The following DYNC2I1 variants were observed in gnomAD, a reference collection of about 807,000 sequenced individuals.
The protein encoded by DYNC2I1 is dynein 2 intermediate chain 1.
A neutral mutation model predicts 133.4 loss-of-function variants in DYNC2I1; 89 were observed. That is an observed-to-expected ratio of 0.67 (90% CI 0.56 to 0.80). The LOEUF is 0.80. Among genes scored for constraint, DYNC2I1 ranks in the 30% least tolerant of loss-of-function variants. DYNC2I1 has a pLI of 0.00. For missense variants in DYNC2I1, 1,291 were observed against 1,314.5 expected, an observed-to-expected ratio of 0.98 and a Z score of 0.28; for synonymous variants, 504 against 484.3, an observed-to-expected ratio of 1.04 and a Z score of -0.54.
At chr7:158,952,586 A>T (rs887553878) in intron 4 of DYNC2I1, among the ~76,000 whole-genome samples, 1 of 152,192 alleles carries the variant, frequency 6.6e-6, no homozygotes, top group African/African-American at 2.4e-5. Context: ...TCCTAAGGGA[A>T]TAAGAAGGAG....
At chr7:158,872,214 G>A (rs1012867536) in intron 3 of DYNC2I1, among the ~76,000 whole-genome samples, 1 of 152,202 alleles carries the variant, frequency 6.6e-6, no homozygotes, top group African/African-American at 2.4e-5. Flanking sequence ...TATTTGGTAG[G>A]CCGAGGTGGG....
chr7:158,871,007 T>C, intron 2 of DYNC2I1, 135 bp from the exon 3 acceptor site: 1 of 1,017,624 alleles, frequency 9.8e-7, no homozygotes, highest in African/African-American at 1.6e-5. Context: ...GATTGGAAAC[T>C]GGGATTGGAA....
intron 5 of DYNC2I1, among the ~76,000 whole-genome samples, chr7:158,882,746 C>T (rs1003866685): frequency 3.3e-5 from 5 of 151,892 alleles, no homozygotes; most frequent in Admixed American, 2.0e-4. Context: ...TATGGTGGCA[C>T]GTGCCTGTAA....
chr7:158,840,349 C>T, the DYNC2I1 span, among the ~76,000 whole-genome samples: 5 of 152,280 alleles, frequency 3.3e-5, no homozygotes, highest in Non-Finnish European at 2.9e-5. Flanking sequence ...GTGGATCCGT[C>T]GAAGTCGGGA....
chr7:158,890,047 TC>T (rs1323750516), intron 7 of DYNC2I1, among the ~76,000 whole-genome samples: 1 of 148,458 alleles, frequency 6.7e-6, no homozygotes, highest in East Asian at 2.0e-4. Context: ...AGGGTCTTGC[TC>T]TGTTGCCCAG....
chr7:158,893,650 C>G (rs1845451868), intron 8 of DYNC2I1, among the ~76,000 whole-genome samples: 1 of 152,086 alleles, frequency 6.6e-6, no homozygotes, highest in South Asian at 2.1e-4. Context: ...ACATATCGTA[C>G]TGCATGTCAC....
At chr7:158,921,265 G>T (rs571053768) in intron 15 of DYNC2I1, among the ~76,000 whole-genome samples, 1 of 152,182 alleles carries the variant, frequency 6.6e-6, no homozygotes, top group Non-Finnish European at 1.5e-5. Context: ...GGCGCTGCAC[G>T]CACACAGGTC....
chr7:158,909,454 T>C (rs1322353181), intron 11 of DYNC2I1, among the ~76,000 whole-genome samples: 2 of 151,646 alleles, frequency 1.3e-5, no homozygotes, highest in South Asian at 2.1e-4. Context: ...GTATGAAATA[T>C]AGGTATCAAA....
At chr7:158,932,271 G>GA (rs1850295897) in intron 21 of DYNC2I1, among the ~76,000 whole-genome samples, 1 of 152,302 alleles carries the variant, frequency 6.6e-6, no homozygotes, top group East Asian at 1.9e-4. Flanking sequence ...GAGCTCAAAG[G>GA]ATGGGGGCAG....
chr7:158,883,486 A>G lies in DYNC2I1; in HGVS notation c.880-1078A>G, dbSNP rs1361039096. 4.6e-5 allele frequency among the ~76,000 whole-genome samples: 7 copies of G among 151,412 alleles called. No homozygotes were observed. The South Asian group carries it at 6.3e-4, about 14-fold the overall frequency. On this transcript the variant is annotated intron_variant, in intron 5 of 24. Transcript: ENST00000407559. ...CTCCTGCCTTGGCCTACCAAGGCCA[A>G]GTGTTACAGGTGTGAGTCATGGTGC... is the stretch of plus-strand genomic sequence containing the variant.
At chr7:158,851,649 C>T (rs951358183), upstream of DYNC2I1, among the ~76,000 whole-genome samples, 11 of 152,140 alleles carry the variant, frequency 7.2e-5, no homozygotes, top group Non-Finnish European at 1.0e-4. Context: ...AAGACTAAAA[C>T]GTATTTTCCA....
At chr7:158,875,369 A>G (rs1312389603) in intron 3 of DYNC2I1, among the ~76,000 whole-genome samples, 1 of 152,166 alleles carries the variant, frequency 6.6e-6, no homozygotes, top group Non-Finnish European at 1.5e-5. Flanking sequence ...CTGGGATTAC[A>G]AGTGTGAGCT....
intron 23 of DYNC2I1, among the ~76,000 whole-genome samples, chr7:158,941,562 T>C (rs1322492890): frequency 6.6e-6 from 1 of 152,230 alleles, no homozygotes; most frequent in African/African-American, 2.4e-5. Flanking sequence ...AAAATTTCTC[T>C]GGCTGCTGAG....
chr7:158,875,506 G>C (rs1437590799), intron 3 of DYNC2I1, among the ~76,000 whole-genome samples: 1 of 152,024 alleles, frequency 6.6e-6, no homozygotes, highest in African/African-American at 2.4e-5. Flanking sequence ...TGCCTTTTTT[G>C]TGTGCAGATT....
At chr7:158,942,283 A>G (rs1851453987) in intron 24 of DYNC2I1, 135 bp downstream of exon 24, 2 of 671,832 alleles carry the variant, frequency 3.0e-6, no homozygotes, top group Non-Finnish European at 2.4e-6. Flanking sequence ...AATTTAAATA[A>G]TATGTTCAGT....
chr7:158,953,401 C>A (rs113004393), intron 4 of DYNC2I1, among the ~76,000 whole-genome samples: 7 of 152,216 alleles, frequency 4.6e-5, no homozygotes, highest in Non-Finnish European at 7.3e-5. Context: ...TAAAGTAATT[C>A]TCTTAAATAT....
Position 158,918,812 on chromosome 7 carries a change from G to T in DYNC2I1, c.1864G>T (p.Ala622Ser), listed in dbSNP as rs747224175. Reference sequence around the variant, plus strand: ...CTGGAATCTTAGGGCTCAAGACAGGGCCCTGTATTTTAGTGACAGCTCATC... The same window carrying T: ...CTGGAATCTTAGGGCTCAAGACAGGTCCCTGTATTTTAGTGACAGCTCATC... ...PSWNLRAQDR[A>S]LYFSDSSSQL... The change falls in exon 15 of 25, where the codon GCC becomes TCC. Residue 622 changes from alanine (A) to serine (S), a missense_variant. Ala to Ser is a moderately conservative substitution (Grantham distance 99, BLOSUM62 1). Coordinates refer to ENST00000407559, the MANE Select transcript of DYNC2I1 (RefSeq NM_018051.5). The T allele has an allele frequency of 8.7e-6, 14 of 1,613,770 alleles. No homozygotes were observed. The African/African-American group carries it at 1.5e-4, about 17-fold the overall frequency.
intron 14 of DYNC2I1, among the ~76,000 whole-genome samples, chr7:158,918,280 A>G (rs1848678509): frequency 6.6e-6 from 1 of 152,132 alleles, no homozygotes; most frequent in Non-Finnish European, 1.5e-5. Context: ...TTTTTCCATC[A>G]ATCCTGTTTT....
At chr7:158,899,563 A>G (rs1846047761) in intron 8 of DYNC2I1, among the ~76,000 whole-genome samples, 1 of 152,134 alleles carries the variant, frequency 6.6e-6, no homozygotes, top group Non-Finnish European at 1.5e-5. Flanking sequence ...TCCCCACCCA[A>G]ATCTCAACTT....
Sources: allele counts gnomAD v4.1 joint callset (sites outside exome capture counted in the v4.1 genomes callset), GRCh38; gene constraint gnomAD v4.1.1; transcripts MANE v1.5; gene names NCBI Gene and HGNC (gene_info 2026-07-23, HGNC 2026-07-21).